Variants in SEMA6D observed in about 807,000 individuals in gnomAD.
SEMA6D encodes semaphorin-6D.
SEMA6D carries 35 observed loss-of-function variants against 106.6 expected under a neutral mutation model. The ratio of observed to expected loss-of-function variants is 0.33; its 90% confidence interval spans 0.25 to 0.44. SEMA6D has a LOEUF of 0.44. Ranked by LOEUF, SEMA6D falls within the 20% of genes least tolerant of loss-of-function variation. The pLI, the probability that SEMA6D is intolerant of heterozygous loss-of-function variation, is 1.00. For missense variants in SEMA6D, 1,185 were observed against 1,345.9 expected (o/e 0.88, Z 1.87); for synonymous variants, 499 against 487.7 (o/e 1.02, Z -0.31).
chr15:47,352,233 T>G (rs976288480), intron 1 of SEMA6D, among the ~76,000 whole-genome samples: 3 of 152,228 alleles, frequency 2.0e-5, no homozygotes, highest in Non-Finnish European at 4.4e-5. Flanking sequence ...ATTATATTTC[T>G]TTACATTTAT....
chr15:47,703,118 C>T (rs1332356590), intron 4 of SEMA6D, among the ~76,000 whole-genome samples: 2 of 152,090 alleles, frequency 1.3e-5, no homozygotes, highest in Admixed American at 6.6e-5. Context: ...TTTCCACGTA[C>T]GACTTTTTCA....
intron 4 of SEMA6D, among the ~76,000 whole-genome samples, chr15:47,615,132 G>T (rs1014330877): frequency 1.4e-4 from 21 of 152,074 alleles, no homozygotes; most frequent in Non-Finnish European, 2.6e-4. Flanking sequence ...CACAAATTAT[G>T]TATGATTCGA....
intron 2 of SEMA6D, among the ~76,000 whole-genome samples, chr15:47,425,280 G>T (rs1477255576): frequency 2.0e-5 from 3 of 152,042 alleles, no homozygotes; most frequent in Non-Finnish European, 4.4e-5. Flanking sequence ...CAGCGAGATA[G>T]GGGAGCTTTT....
intron 3 of SEMA6D, among the ~76,000 whole-genome samples, chr15:47,590,550 G>A (rs944851883): frequency 2.6e-5 from 4 of 151,764 alleles, no homozygotes; most frequent in Non-Finnish European, 5.9e-5. Context: ...ATAAAAATAA[G>A]CAAATTAATA....
rs2082581880 is a variant in SEMA6D, at chr15:47,770,664, G to A, written c.2101G>A (p.Ala701Thr). 1.2e-6 allele frequency: 2 copies of A among 1,614,100 alleles called. No homozygotes were observed. The highest frequency in any genetic ancestry group is 1.7e-6 in the Non-Finnish European group (2 of 1,179,978). Residue 701 changes from alanine to threonine, a missense_variant, in exon 19 of 19, where the codon GCA becomes ACA. Physicochemically the swap from Ala to Thr is moderately conservative, Grantham distance 58. Transcript: ENST00000536845. Reference protein sequence around the residue: ...VRKNRKIHKDAESAQSCTDSS... With the variant: ...VRKNRKIHKDTESAQSCTDSS... ...GAAAAACAGAAAGATCCATAAAGAT[G>A]CAGAGTCCGCCCAGTCATGCACAGA...
intron 1 of SEMA6D, among the ~76,000 whole-genome samples, chr15:47,727,665 C>G (rs920641235): frequency 7.6e-6 from 1 of 131,690 alleles, no homozygotes; most frequent in African/African-American, 2.9e-5. Flanking sequence ...TCCCCCCCAA[C>G]CCCCCCAGTT....
intron 1 of SEMA6D, among the ~76,000 whole-genome samples, chr15:47,187,286 C>T (rs903886631): frequency 5.9e-5 from 9 of 152,110 alleles, no homozygotes; most frequent in African/African-American, 2.2e-4. Flanking sequence ...AATAGAAATG[C>T]TAGCTGCTTC....
At chr15:47,371,218 G>T (rs1429165789) in intron 1 of SEMA6D, among the ~76,000 whole-genome samples, 1 of 152,180 alleles carries the variant, frequency 6.6e-6, no homozygotes, top group East Asian at 1.9e-4. Context: ...GAGACATTTT[G>T]CTGTCCATTG....
intron 2 of SEMA6D, among the ~76,000 whole-genome samples, chr15:47,438,718 G>A (rs74011443): frequency 0.044 from 6,605 of 151,618 alleles, 316 homozygotes; most frequent in East Asian, 0.14. Context: ...ATGATCTTTT[G>A]CACCTGCCCC....
At chr15:47,418,085 G>T (rs2041036007) in intron 2 of SEMA6D, among the ~76,000 whole-genome samples, 1 of 152,046 alleles carries the variant, frequency 6.6e-6, no homozygotes. Context: ...ATATGAAATG[G>T]TATATGGGGC....
At chr15:47,449,866 T>C (rs938530319) in intron 2 of SEMA6D, among the ~76,000 whole-genome samples, 1 of 152,126 alleles carries the variant, frequency 6.6e-6, no homozygotes, top group Non-Finnish European at 1.5e-5. Flanking sequence ...ATAATAAGTA[T>C]TAGAAGTCTC....
At chr15:47,694,989 T>TA in intron 4 of SEMA6D, among the ~76,000 whole-genome samples, 1 of 152,112 alleles carries the variant, frequency 6.6e-6, no homozygotes, top group Non-Finnish European at 1.5e-5. Flanking sequence ...AGGCAAAAAT[T>TA]AAAGTCAATA....
intron 1 of SEMA6D, among the ~76,000 whole-genome samples, chr15:47,284,219 T>A (rs2035256005): frequency 6.6e-6 from 1 of 152,224 alleles, no homozygotes; most frequent in Admixed American, 6.5e-5. Context: ...TTTGAACATC[T>A]GCCAGAAGAT....
chr15:47,270,431 A>C (rs1280363551), intron 1 of SEMA6D, among the ~76,000 whole-genome samples: 2 of 152,010 alleles, frequency 1.3e-5, no homozygotes, highest in East Asian at 3.9e-4. Flanking sequence ...AGTTTTCTTT[A>C]AATCTCAATC....
intron 1 of SEMA6D, among the ~76,000 whole-genome samples, chr15:47,278,483 G>A (rs1345664054): frequency 6.6e-6 from 1 of 152,106 alleles, no homozygotes; most frequent in Non-Finnish European, 1.5e-5. Context: ...TTGTAAATTT[G>A]TTTGAGTTAT....
intron 4 of SEMA6D, among the ~76,000 whole-genome samples, chr15:47,612,606 A>G (rs775916192): frequency 9.9e-5 from 15 of 152,142 alleles, no homozygotes; most frequent in Non-Finnish European, 1.9e-4. Context: ...GTGGTCCCCA[A>G]ACCCTTCTCA....
At chr15:47,666,936 A>G (rs2078037328) in intron 4 of SEMA6D, among the ~76,000 whole-genome samples, 1 of 152,180 alleles carries the variant, frequency 6.6e-6, no homozygotes, top group Non-Finnish European at 1.5e-5. Flanking sequence ...AGAGTGCCCA[A>G]GCCACATGGA....
intron 1 of SEMA6D, among the ~76,000 whole-genome samples, chr15:47,282,855 C>T (rs1053702507): frequency 5.3e-5 from 8 of 152,130 alleles, no homozygotes; most frequent in African/African-American, 1.9e-4. Context: ...TAGACGCTTA[C>T]CAGCACTGTT....
At chr15:47,466,186 G>A (rs374618970) in intron 2 of SEMA6D, among the ~76,000 whole-genome samples, 1 of 152,076 alleles carries the variant, frequency 6.6e-6, no homozygotes, top group Non-Finnish European at 1.5e-5. Context: ...CAGATGTACT[G>A]TATATGCAAA....
Sources: gnomAD v4.1 joint callset for allele counts (sites outside exome capture counted in the v4.1 genomes callset) on GRCh38, gnomAD v4.1.1 for gene constraint, MANE v1.5 for transcripts, NCBI Gene and HGNC (gene_info 2026-07-23, HGNC 2026-07-21) for gene names.